The following TFCP2L1 variants were observed in gnomAD, a reference collection of about 807,000 sequenced individuals.
The protein encoded by TFCP2L1 is transcription factor CP2 like 1, also known as transcription factor CP2-like protein 1.
Under a neutral mutation model 72.2 loss-of-function variants are expected in TFCP2L1, and 12 were observed. That is an observed-to-expected ratio of 0.17 (90% confidence interval 0.11 to 0.27). The LOEUF (loss-of-function observed/expected upper bound fraction) is 0.27, where lower values mean the gene tolerates loss of function less well. TFCP2L1 is among the 10% of genes least tolerant of loss of function. The pLI, the probability that TFCP2L1 is intolerant of heterozygous loss-of-function variation, is 1.00. For synonymous variants in TFCP2L1, 260 were observed against 251.0 expected (o/e 1.04, Z -0.34); for missense variants, 488 against 624.6 (o/e 0.78, Z 2.33).
At chr2:121,273,426 T>G (rs749549978) in intron 2 of TFCP2L1, among the ~76,000 whole-genome samples, 7 of 152,218 alleles carry the variant, frequency 4.6e-5, no homozygotes, top group Non-Finnish European at 1.0e-4. Flanking sequence ...TCTGGAAGTT[T>G]GCAAACCTCT....
intron 1 of TFCP2L1, among the ~76,000 whole-genome samples, chr2:121,282,392 T>C (rs1687282469): frequency 6.6e-6 from 1 of 150,818 alleles, no homozygotes; most frequent in South Asian, 2.1e-4. Context: ...TCTGGACGTA[T>C]TTTTTAAGCC....
chr2:121,237,884 G>C (rs775037008), intron 8 of TFCP2L1, 34 bp from the exon 9 acceptor site: 2 of 1,612,354 alleles, frequency 1.2e-6, no homozygotes, highest in Non-Finnish European at 1.7e-6. Flanking sequence ...TGAGGACAGA[G>C]GGGGCTCCCA....
intron 2 of TFCP2L1, among the ~76,000 whole-genome samples, chr2:121,252,195 C>T (rs1449241308): frequency 6.6e-6 from 1 of 152,206 alleles, no homozygotes; most frequent in Admixed American, 6.5e-5. Flanking sequence ...ACTACAGGCA[C>T]ACGCCAGCAT....
intron 1 of TFCP2L1, 83 bp downstream of exon 1, chr2:121,284,965 C>A (rs1443702320): frequency 9.7e-6 from 12 of 1,242,952 alleles, no homozygotes; most frequent in African/African-American, 1.6e-5. Context: ...AGCAGGGGCG[C>A]CCCCTCTCCG....
Position 121,224,170 on chromosome 2 carries a change from T to C in TFCP2L1, c.*171A>G, listed in dbSNP as rs1029873319. The C allele has an allele frequency of 1.4e-5, 9 of 660,120 alleles. No homozygotes were observed. Among genetic ancestry groups the C allele is most frequent in the Non-Finnish European group, 2.1e-5 (8 of 381,740 alleles). 40.9% of individuals were successfully genotyped at this position (660,120 alleles called of 1,614,324 possible). A position where few individuals can be genotyped will look rare whatever the true frequency, so the allele number is the denominator to read the frequency against. The stretch of plus-strand genomic sequence containing the variant: ...CCACTGGCTTTCTGTACACCGTACT[T>C]GGTGTCCACAGGCTTCTGCTGGTTG... On this transcript the variant is annotated 3_prime_UTR_variant, in exon 15 of 15. Coordinates refer to ENST00000263707, the MANE Select transcript of TFCP2L1 (RefSeq NM_014553.3).
At position 121,274,080 on chromosome 2, in the gene TFCP2L1, CGA is replaced by C. The variant is rs1029960098; in HGVS notation, c.214+7038_214+7039del. 1.0e-3 allele frequency among the ~76,000 whole-genome samples: 143 copies of C among 139,200 alleles called. 2 individuals are homozygous for C. The highest frequency in any genetic ancestry group is 2.1e-4 in the Non-Finnish European group (14 of 65,962). The allele number at this position is 139,200 out of a possible 152,430, so 91.3% of individuals were successfully genotyped here. A position where few individuals can be genotyped will look rare whatever the true frequency, so the allele number is the denominator to read the frequency against. On this transcript the variant is annotated intron_variant, in intron 2 of 14. Coordinates refer to ENST00000263707, the MANE Select transcript of TFCP2L1 (RefSeq NM_014553.3). Reference sequence around the variant, plus strand: ...CTGCAATCCAGCCTGGGCAGCAGAGCGAGACTCTGTCTCCAAAAAAAAAAAAA... The same window carrying C: ...CTGCAATCCAGCCTGGGCAGCAGAGCGACTCTGTCTCCAAAAAAAAAAAAA...
intron 2 of TFCP2L1, among the ~76,000 whole-genome samples, chr2:121,269,344 A>G (rs921893219): frequency 1.4e-4 from 22 of 152,158 alleles, no homozygotes; most frequent in African/African-American, 5.1e-4. Context: ...GCTACTAGGG[A>G]GGCTAAGGCA....
chr2:121,234,223 G>A (rs1216658864), intron 11 of TFCP2L1, 29 bp from the exon 12 acceptor site: 10 of 1,593,568 alleles, frequency 6.3e-6, no homozygotes, highest in South Asian at 5.5e-5. Context: ...ATAAATAATA[G>A]GTGTGGTGGA....
rs1249854646 is a variant in TFCP2L1 at position 121,241,923 on chromosome 2, T to C, written c.768+436A>G. Among the ~76,000 whole-genome samples, 6 of 152,170 alleles carry C rather than the reference T, an allele frequency of 3.9e-5. No homozygotes were observed. The East Asian group carries it at 1.2e-3, about 29-fold the overall frequency. On this transcript the variant is annotated intron_variant, in intron 7 of 14. Coordinates refer to ENST00000263707, the MANE Select transcript of TFCP2L1 (RefSeq NM_014553.3). ...AATGCAGGCATGGGGCAAACGTGTCTACACTGGCTTCACCTGCAGACAAAG... is the reference window on the plus strand; with the variant it reads ...AATGCAGGCATGGGGCAAACGTGTCCACACTGGCTTCACCTGCAGACAAAG...
chr2:121,257,951 C>G (rs1686760577), intron 2 of TFCP2L1, among the ~76,000 whole-genome samples: 1 of 152,082 alleles, frequency 6.6e-6, no homozygotes, highest in Admixed American at 6.6e-5. Flanking sequence ...CACCAGTTCA[C>G]CCGAACCAGG....
At chr2:121,241,196 C>T (rs772687325) in intron 7 of TFCP2L1, among the ~76,000 whole-genome samples, 2 of 152,158 alleles carry the variant, frequency 1.3e-5, no homozygotes, top group African/African-American at 4.8e-5. Flanking sequence ...AGCTGCAACT[C>T]GTAAAGGGAA....
At chr2:121,283,517 A>T (rs931881062) in intron 1 of TFCP2L1, among the ~76,000 whole-genome samples, 1 of 151,446 alleles carries the variant, frequency 6.6e-6, no homozygotes, top group Non-Finnish European at 1.5e-5. Flanking sequence ...AGCACCACCC[A>T]CTCCCAACGC....
rs1685932192 is a variant in TFCP2L1, at chr2:121,221,693, G to A, written c.*2648C>T. On this transcript the variant is annotated 3_prime_UTR_variant, in exon 15 of 15. Transcript: ENST00000263707. ...ATTAATCTTCTTGACCTTGGATTAG[G>A]CAATGGTTTTCTAGATATGGCACCA... The A allele has an allele frequency of 6.6e-6, 1 of 152,056 alleles. No individual in the cohort carries two copies. The highest frequency in any genetic ancestry group is 6.6e-5 in the Admixed American group (1 of 15,258). 9.4% of individuals were successfully genotyped at this position (152,056 alleles called of 1,614,324 possible).
Position 121,249,530 on chromosome 2 carries a change from C to G in TFCP2L1, c.291+41G>C, listed in dbSNP as rs571686090. 4 of 1,601,792 alleles carry G rather than the reference C, an allele frequency of 2.5e-6. No individual in the cohort carries two copies. In the East Asian group the frequency reaches 8.9e-5, roughly 36 times the overall value. On this transcript the variant is annotated intron_variant, in intron 3 of 14. Coordinates refer to ENST00000263707, the MANE Select transcript of TFCP2L1 (RefSeq NM_014553.3). ...CCCAGGTGCCCAGACCCTAATCAAG[C>G]CCCTCTCCCCGAGGCAATGAGAACA... is the stretch of plus-strand genomic sequence containing the variant.
Position 121,285,133 on chromosome 2 carries a change from C to A in TFCP2L1, c.-24G>T. The A allele has an allele frequency of 1.4e-6, 2 of 1,481,202 alleles. No individual in the cohort carries two copies. The highest frequency in any genetic ancestry group is 1.8e-6 in the Non-Finnish European group (2 of 1,113,758). 91.8% of individuals were successfully genotyped at this position (1,481,202 alleles called of 1,614,324 possible). A position where few individuals can be genotyped will look rare whatever the true frequency, so the allele number is the denominator to read the frequency against. On this transcript the variant is annotated 5_prime_UTR_variant, in exon 1 of 15. Coordinates refer to ENST00000263707, the MANE Select transcript of TFCP2L1 (RefSeq NM_014553.3). ...ATGGCTGGAACTCCCAGCGCGCCGACCGGGGCGCGGCAGCAAGCGCAGACG... is the reference window on the plus strand; with the variant it reads ...ATGGCTGGAACTCCCAGCGCGCCGAACGGGGCGCGGCAGCAAGCGCAGACG...
intron 3 of TFCP2L1, 98 bp from the exon 4 acceptor site, chr2:121,249,185 G>T (rs1295563112): frequency 4.3e-6 from 4 of 923,570 alleles, no homozygotes; most frequent in Non-Finnish European, 4.8e-6. Flanking sequence ...CACCTTTGAG[G>T]CCCCTCCCCC....
In TFCP2L1 at chr2:121,237,505, G is replaced by A. The variant is rs145111771; in HGVS notation, c.1003+118C>T. The A allele has an allele frequency of 4.1e-5, 49 of 1,181,084 alleles. No homozygotes were observed. The African/African-American group carries it at 4.2e-4, about 10-fold the overall frequency. 73.2% of individuals were successfully genotyped at this position (1,181,084 alleles called of 1,614,324 possible). ...TGAGCGAGCGAACCCACACTATCTC[G>A]GGTCTCCCAGCTGAAACGACAGCGC... On this transcript the variant is annotated intron_variant, in intron 10 of 14. Transcript: ENST00000263707.
chr2:121,235,901 C>A (rs192313866), intron 10 of TFCP2L1, among the ~76,000 whole-genome samples: 27 of 152,116 alleles, frequency 1.8e-4, no homozygotes, highest in Non-Finnish European at 3.1e-4. Flanking sequence ...TCCTGTAGGC[C>A]CCTCGTACCA....
chr2:121,242,007 C>T (rs1686379687), intron 7 of TFCP2L1, among the ~76,000 whole-genome samples: 1 of 139,146 alleles, frequency 7.2e-6, no homozygotes, highest in African/African-American at 2.8e-5. Context: ...GCTGGGATGG[C>T]ACTGGGAGGG....
Sources: allele counts gnomAD v4.1 joint callset (sites outside exome capture counted in the v4.1 genomes callset), GRCh38; gene constraint gnomAD v4.1.1; transcripts MANE v1.5; gene names NCBI Gene and HGNC (gene_info 2026-07-23, HGNC 2026-07-21).